DSCAM: variants seen among roughly 807,000 people sequenced by gnomAD.
DSCAM encodes the protein DS cell adhesion molecule, also known as cell adhesion molecule DSCAM.
Under a neutral mutation model 217.7 loss-of-function variants are expected in DSCAM, and 47 were observed. That is an observed-to-expected ratio of 0.22 (90% confidence interval 0.17 to 0.28). DSCAM has a LOEUF of 0.28. DSCAM is among the 10% of genes least tolerant of loss of function. DSCAM has a pLI of 1.00. For missense variants in DSCAM, 2,080 were observed against 2,618.3 expected (o/e 0.79, Z 4.49); for synonymous variants, 1,056 against 1,015.3 (o/e 1.04, Z -0.76).
At chr21:40,038,189 T>C (rs13050105) in intron 32 of DSCAM, among the ~76,000 whole-genome samples, 21,898 of 130,324 alleles carry the variant, frequency 0.17, 1,717 homozygotes, top group African/African-American at 0.2. Flanking sequence ...AACTAAAGAG[T>C]TTCTGCACAG....
intron 11 of DSCAM, among the ~76,000 whole-genome samples, chr21:40,223,344 T>C (rs2091304648): frequency 6.6e-6 from 1 of 152,248 alleles, no homozygotes; most frequent in African/African-American, 2.4e-5. Context: ...CTGAGCCACG[T>C]TGAACTTGCC....
chr21:40,324,103 C>CAAAAAAAAAAAAACAAAAA (rs2074290064), intron 8 of DSCAM, among the ~76,000 whole-genome samples: 1 of 27,936 alleles, frequency 3.6e-5, no homozygotes, highest in Non-Finnish European at 6.0e-5. Context: ...AACTCTGTCT[C>CAAAAAAAAAAAAACAAAAA]AAAAAAAAAA....
At chr21:40,640,981 C>T (rs577783328) in intron 3 of DSCAM, among the ~76,000 whole-genome samples, 1 of 152,270 alleles carries the variant, frequency 6.6e-6, no homozygotes, top group Non-Finnish European at 1.5e-5. Context: ...AAACAGACAA[C>T]ATTATCTAGT....
At chr21:40,368,225 C>A (rs576421520) in intron 4 of DSCAM, among the ~76,000 whole-genome samples, 1 of 152,082 alleles carries the variant, frequency 6.6e-6, no homozygotes, top group African/African-American at 2.4e-5. Context: ...TTCTCTTTAA[C>A]ACAAAGAGGA....
intron 2 of DSCAM, among the ~76,000 whole-genome samples, chr21:40,702,233 G>A (rs1291414079): frequency 6.6e-6 from 1 of 152,106 alleles, no homozygotes; most frequent in Non-Finnish European, 1.5e-5. Flanking sequence ...TGTTCTTTAT[G>A]ATACTGTAAT....
intron 27 of DSCAM, among the ~76,000 whole-genome samples, chr21:40,069,923 A>T (rs1056620764): frequency 6.6e-6 from 1 of 152,018 alleles, no homozygotes; most frequent in African/African-American, 2.4e-5. Flanking sequence ...AATCTGAAAA[A>T]ACTGCATGCA....
chr21:40,321,949 G>A (rs546503865), intron 8 of DSCAM, among the ~76,000 whole-genome samples: 9 of 152,254 alleles, frequency 5.9e-5, no homozygotes, highest in Non-Finnish European at 8.8e-5. Flanking sequence ...TTTGGAAACC[G>A]TTTCAGGCGC....
At chr21:40,030,002 GCA>G (rs1236867436) in intron 32 of DSCAM, among the ~76,000 whole-genome samples, 5 of 152,204 alleles carry the variant, frequency 3.3e-5, no homozygotes, top group Non-Finnish European at 7.3e-5. Flanking sequence ...GTGTGCTTGC[GCA>G]CACACATGCG....
At chr21:40,024,174 A>T (rs1434504610) in intron 32 of DSCAM, among the ~76,000 whole-genome samples, 1 of 77,588 alleles carries the variant, frequency 1.3e-5, no homozygotes, top group Non-Finnish European at 2.8e-5. Flanking sequence ...AAGATCAGAT[A>T]GTTGTAGATA....
intron 3 of DSCAM, among the ~76,000 whole-genome samples, chr21:40,430,191 TAC>T (rs1371667794): frequency 6.6e-6 from 1 of 152,306 alleles, no homozygotes; most frequent in East Asian, 1.9e-4. Context: ...CTATTTTAGG[TAC>T]AGTTTTAGCA....
chr21:40,116,902 C>T (rs140168588), intron 20 of DSCAM, among the ~76,000 whole-genome samples: 2,746 of 143,990 alleles, frequency 0.019, 79 homozygotes, highest in African/African-American at 0.06. Flanking sequence ...CTTGGGAGGC[C>T]GAGGCAGGAG....
intron 5 of DSCAM, among the ~76,000 whole-genome samples, chr21:40,352,925 T>G (rs1168894438): frequency 1.3e-5 from 2 of 152,166 alleles, no homozygotes; most frequent in Non-Finnish European, 2.9e-5. Flanking sequence ...AATAAATCCA[T>G]TATATTTGGA....
chr21:40,646,733 G>A (rs2089951940), intron 3 of DSCAM, among the ~76,000 whole-genome samples: 3 of 152,182 alleles, frequency 2.0e-5, no homozygotes, highest in Admixed American at 2.0e-4. Context: ...TTTCAGTGAG[G>A]CTGACTGGCC....
intron 1 of DSCAM, among the ~76,000 whole-genome samples, chr21:40,802,824 G>A (rs2123505783): frequency 6.6e-6 from 1 of 152,314 alleles, no homozygotes; most frequent in South Asian, 2.1e-4. Flanking sequence ...CTCCATAACA[G>A]TAAGAACCAT....
At chr21:40,072,592 C>T (rs1048234125) in intron 27 of DSCAM, among the ~76,000 whole-genome samples, 4 of 152,094 alleles carry the variant, frequency 2.6e-5, no homozygotes, top group African/African-American at 4.8e-5. Context: ...TCGTGATCCG[C>T]CCACCTTGGC....
At position 40,637,542 on chromosome 21, in the gene DSCAM, CAT is replaced by C. The variant is rs1234662768; in HGVS notation, c.508+55266_508+55267del. On this transcript the variant is annotated intron_variant, in intron 3 of 32. Coordinates refer to ENST00000400454, the MANE Select transcript of DSCAM (RefSeq NM_001389.5). ...ATATATATAAATATATACATATATACATATATATAAATATATACATATATAAA... is the reference window on the plus strand; with the variant it reads ...ATATATATAAATATATACATATATACATATATAAATATATACATATATAAA... 1.6e-3 allele frequency among the ~76,000 whole-genome samples: 31 copies of C among 19,802 alleles called. 6 individuals carry two copies. Among genetic ancestry groups the C allele is most frequent in the Middle Eastern group, 0.026 (1 of 38 alleles). The allele number at this position is 19,802 out of a possible 152,430, so 13.0% of individuals were successfully genotyped here.
At chr21:40,821,194 CA>C in intron 1 of DSCAM, among the ~76,000 whole-genome samples, 1 of 138,774 alleles carries the variant, frequency 7.2e-6, no homozygotes, top group South Asian at 2.2e-4. Flanking sequence ...TTGAGTTTGT[CA>C]AATTGTCTTT....
chr21:40,495,143 A>T (rs879338476), intron 3 of DSCAM, among the ~76,000 whole-genome samples: 7 of 152,174 alleles, frequency 4.6e-5, no homozygotes, highest in Non-Finnish European at 8.8e-5. Context: ...TTCATTGATA[A>T]ATTCTATGAA....
intron 1 of DSCAM, among the ~76,000 whole-genome samples, chr21:40,757,319 C>T (rs1250777707): frequency 2.0e-5 from 3 of 152,194 alleles, no homozygotes; most frequent in Non-Finnish European, 4.4e-5. Flanking sequence ...GCCATCGTGC[C>T]CAGCCCATGT....
Sources: gnomAD v4.1 joint callset for allele counts (sites outside exome capture counted in the v4.1 genomes callset) on GRCh38, gnomAD v4.1.1 for gene constraint, MANE v1.5 for transcripts, NCBI Gene and HGNC (gene_info 2026-07-23, HGNC 2026-07-21) for gene names.